The following CLYBL variants were observed in gnomAD, a reference collection of about 807,000 sequenced individuals.
CLYBL encodes citramalyl-CoA lyase, also known as citramalyl-CoA lyase, mitochondrial.
In CLYBL, 31 loss-of-function variants were observed where a neutral mutation model predicts 38.9. The ratio of observed to expected loss-of-function variants is 0.80; its 90% confidence interval spans 0.60 to 1.08. The LOEUF is 1.08. CLYBL is among the 50% of genes least tolerant of loss of function. The pLI, the probability that CLYBL is intolerant of heterozygous loss-of-function variation, is 0.00. For missense variants in CLYBL, 434 were observed against 411.6 expected, an observed-to-expected ratio of 1.05 and a Z score of -0.47; for synonymous variants, 171 against 158.6, an observed-to-expected ratio of 1.08 and a Z score of -0.59.
intron 2 of CLYBL, among the ~76,000 whole-genome samples, chr13:99,822,352 A>T (rs1297939092): frequency 6.6e-6 from 1 of 152,242 alleles, no homozygotes; most frequent in Non-Finnish European, 1.5e-5. Flanking sequence ...GGTGGCTGGG[A>T]GGCTTAAAAC....
chr13:99,865,058 G>C lies in CLYBL; in HGVS notation c.634+147G>C. 1.4e-6 allele frequency: 1 copy of C among 695,076 alleles called. No homozygotes were observed. The highest frequency in any genetic ancestry group is 2.8e-5 in the East Asian group (1 of 35,160). 43.1% of individuals were successfully genotyped at this position (695,076 alleles called of 1,614,324 possible). A position where few individuals can be genotyped will look rare whatever the true frequency, so the allele number is the denominator to read the frequency against. ...AATGGTTTTTCATGACAATGGAATG[G>C]ACACTACTTCCTGATAATTTAGGGC... On this transcript the variant is annotated intron_variant, in intron 5 of 8. Coordinates refer to ENST00000339105, the MANE Select transcript of CLYBL (RefSeq NM_206808.5). This position sits in a 1 kb window ranked among gnomAD's most constrained non-coding sequence, Gnocchi z 4.7.
At chr13:99,637,230 T>C (rs1004228218) in intron 1 of CLYBL, among the ~76,000 whole-genome samples, 1 of 152,166 alleles carries the variant, frequency 6.6e-6, no homozygotes, top group African/African-American at 2.4e-5. Context: ...CAGTTTGCCA[T>C]TGTGCTCACC....
chr13:99,709,092 A>T (rs752721941), intron 1 of CLYBL, among the ~76,000 whole-genome samples: 1 of 151,114 alleles, frequency 6.6e-6, no homozygotes, highest in Non-Finnish European at 1.5e-5. Flanking sequence ...GACTCTGTCT[A>T]AAAAAAAAGA....
chr13:99,638,281 T>C (rs1424436200), intron 1 of CLYBL, among the ~76,000 whole-genome samples: 1 of 152,210 alleles, frequency 6.6e-6, no homozygotes, highest in African/African-American at 2.4e-5. Flanking sequence ...AAACTACACC[T>C]GTTAACCTTC....
At chr13:99,647,164 C>G (rs1306414719) in intron 1 of CLYBL, among the ~76,000 whole-genome samples, 1 of 152,150 alleles carries the variant, frequency 6.6e-6, no homozygotes, top group Non-Finnish European at 1.5e-5. Context: ...AGAAAGATCA[C>G]AAGAAGTTTC....
rs1301219283 is a variant in CLYBL at position 99,723,232 on chromosome 13, G to A, written c.63-49592G>A. On this transcript the variant is annotated intron_variant, in intron 1 of 8. Coordinates refer to ENST00000339105, the MANE Select transcript of CLYBL (RefSeq NM_206808.5). The stretch of plus-strand genomic sequence containing the variant: ...AAACATCTAGTGGGGATTTCATATG[G>A]TGGGTTTTTCATATATTTGGTAGAT... Among the ~76,000 whole-genome samples, 5 of 152,212 alleles carry A rather than the reference G, an allele frequency of 3.3e-5. No homozygotes were observed. The South Asian group carries it at 1.0e-3, about 32-fold the overall frequency.
At chr13:99,655,819 G>C (rs1410914254) in intron 1 of CLYBL, among the ~76,000 whole-genome samples, 1 of 152,190 alleles carries the variant, frequency 6.6e-6, no homozygotes, top group African/African-American at 2.4e-5. Context: ...TCTTTACAGA[G>C]CACCTAGGAA....
intron 1 of CLYBL, among the ~76,000 whole-genome samples, chr13:99,673,555 G>A (rs967282409): frequency 1.3e-5 from 2 of 152,178 alleles, no homozygotes; most frequent in African/African-American, 4.8e-5. Flanking sequence ...ACTTAGCCTT[G>A]AATACTTTTG....
At chr13:99,707,356 G>C (rs909867437) in intron 1 of CLYBL, among the ~76,000 whole-genome samples, 2 of 151,730 alleles carry the variant, frequency 1.3e-5, no homozygotes, top group Non-Finnish European at 2.9e-5. Context: ...TGCAACCTCC[G>C]CCTCCCGGGT....
chr13:99,860,400 A>G (rs1192033704), intron 3 of CLYBL, among the ~76,000 whole-genome samples: 2 of 152,100 alleles, frequency 1.3e-5, no homozygotes, highest in African/African-American at 4.8e-5. Context: ...TCCTTCTTGA[A>G]GACCCGTATT....
chr13:99,860,682 A>G (rs754864044), intron 3 of CLYBL, among the ~76,000 whole-genome samples: 1 of 152,226 alleles, frequency 6.6e-6, no homozygotes, highest in Non-Finnish European at 1.5e-5. Context: ...CACTGTTTTA[A>G]ATCCTTGGAA....
intron 7 of CLYBL, among the ~76,000 whole-genome samples, chr13:99,873,333 A>G (rs2051956662): frequency 6.6e-6 from 1 of 152,226 alleles, no homozygotes; most frequent in Non-Finnish European, 1.5e-5. Flanking sequence ...TTGTGTAAAT[A>G]GGTTGCACAA....
At chr13:99,617,849 G>C (rs1011420310) in intron 1 of CLYBL, among the ~76,000 whole-genome samples, 1 of 152,100 alleles carries the variant, frequency 6.6e-6, no homozygotes, top group Non-Finnish European at 1.5e-5. Context: ...GGGCTGTGTC[G>C]TCAGCCTGAA....
At chr13:99,634,730 G>A (rs1420671126) in intron 1 of CLYBL, among the ~76,000 whole-genome samples, 1 of 152,212 alleles carries the variant, frequency 6.6e-6, no homozygotes, top group East Asian at 1.9e-4. Flanking sequence ...GATACAAGAT[G>A]AGAAAATAAT....
intron 1 of CLYBL, among the ~76,000 whole-genome samples, chr13:99,747,315 C>G (rs1001521254): frequency 6.6e-6 from 1 of 151,060 alleles, no homozygotes; most frequent in Non-Finnish European, 1.5e-5. Context: ...CAGCTGCCCC[C>G]CTTCTCCTTT....
At chr13:99,853,446 T>C (rs1594223751) in intron 2 of CLYBL, among the ~76,000 whole-genome samples, 1 of 152,372 alleles carries the variant, frequency 6.6e-6, no homozygotes, top group South Asian at 2.1e-4. Context: ...TGTAACGCTT[T>C]GTAAGATGAA....
chr13:99,868,879 A>G (rs1456674000), intron 6 of CLYBL, among the ~76,000 whole-genome samples: 1 of 152,204 alleles, frequency 6.6e-6, no homozygotes, highest in East Asian at 1.9e-4. Flanking sequence ...TCTATTGTAG[A>G]AGACAAAAAT....
chr13:99,792,484 G>A lies in CLYBL; in HGVS notation c.249+19474G>A, dbSNP rs138042987. On this transcript the variant is annotated intron_variant, in intron 2 of 8. Transcript: ENST00000339105. ...AGTACTCAGGACAACCAGGAGGGCC[G>A]CCTTGTTGCAGCTGCCTTCCTCGGT... Among the ~76,000 whole-genome samples, 326 of 152,254 alleles carry A rather than the reference G, an allele frequency of 2.1e-3. 2 individuals carry two copies. Among genetic ancestry groups the A allele is most frequent in the East Asian group, 0.011 (56 of 5,184 alleles).
In CLYBL at chr13:99,876,636, G is replaced by A. The variant is rs543941933; in HGVS notation, c.927+5574G>A. The stretch of plus-strand genomic sequence containing the variant: ...TGGATGAAATCTCAGAAATCTTTTA[G>A]TCAGATGCCTTCAGTTTATGACTTA... On this transcript the variant is annotated intron_variant, in intron 7 of 8. Coordinates refer to ENST00000339105, the MANE Select transcript of CLYBL (RefSeq NM_206808.5). Among the ~76,000 whole-genome samples the A allele has an allele frequency of 4.6e-5, 7 of 152,044 alleles. No individual in the cohort carries two copies. The South Asian group carries it at 1.5e-3, about 32-fold the overall frequency.
Sources: gnomAD v4.1 joint callset for allele counts (sites outside exome capture counted in the v4.1 genomes callset) on GRCh38, gnomAD v4.1.1 for gene constraint, Gnocchi (gnomAD v3.1) non-coding constraint, MANE v1.5 for transcripts, NCBI Gene and HGNC (gene_info 2026-07-23, HGNC 2026-07-21) for gene names.